The following FHDC1 variants were observed in gnomAD, a reference collection of about 807,000 sequenced individuals.
FHDC1 encodes the protein FH2 domain-containing protein 1.
In FHDC1, 25 loss-of-function variants were observed where a neutral mutation model predicts 52.6. The observed-to-expected ratio is 0.48, with a 90% confidence interval of 0.35 to 0.66. FHDC1 has a LOEUF of 0.66. FHDC1 is among the 30% of genes least tolerant of loss of function. The pLI, the probability that FHDC1 is intolerant of heterozygous loss-of-function variation, is 0.01. For missense variants in FHDC1, 1,459 were observed against 1,452.8 expected, an observed-to-expected ratio of 1.00 and a Z score of -0.07; for synonymous variants, 616 against 581.5, an observed-to-expected ratio of 1.06 and a Z score of -0.85.
the FHDC1 span, among the ~76,000 whole-genome samples, chr4:152,929,297 T>C: frequency 6.6e-6 from 1 of 152,154 alleles, no homozygotes. This position sits in a 1 kb window ranked among gnomAD's most constrained non-coding sequence, Gnocchi z 4.1. Flanking sequence ...TAGTCACTTA[T>C]ACCTTGGTCT....
At chr4:152,934,636 C>T (rs80241349), upstream of FHDC1, among the ~76,000 whole-genome samples, 2,415 of 152,244 alleles carry the variant, frequency 0.016, 61 homozygotes, top group African/African-American at 0.055. Flanking sequence ...CTTTGGGATA[C>T]TGGGAGATCG....
chr4:152,927,421 T>C, the FHDC1 span: 3 of 786,952 alleles, frequency 3.8e-6, no homozygotes. Flanking sequence ...GCCGGGACTC[T>C]ATAGTGGCGA....
At chr4:152,940,317 G>A (rs1561201119) in intron 1 of FHDC1, among the ~76,000 whole-genome samples, 1 of 152,220 alleles carries the variant, frequency 6.6e-6, no homozygotes, top group Non-Finnish European at 1.5e-5. Flanking sequence ...TAATCAGACA[G>A]CATACCAGGG....
upstream of FHDC1, among the ~76,000 whole-genome samples, chr4:152,935,458 GA>G (rs938504195): frequency 5.4e-5 from 8 of 149,446 alleles, no homozygotes; most frequent in East Asian, 2.0e-4. Context: ...TCACTTTGAA[GA>G]AAAAAAAAAT....
At chr4:152,926,511 G>T in the FHDC1 span, among the ~76,000 whole-genome samples, 2 of 151,038 alleles carry the variant, frequency 1.3e-5, no homozygotes, top group South Asian at 2.1e-4. Flanking sequence ...AAAAAAAAGG[G>T]CAGAACCTTA....
chr4:152,969,139 A>G lies in FHDC1; in HGVS notation c.1218+1042A>G, dbSNP rs188244033. Among the ~76,000 whole-genome samples, 144 of 151,440 alleles carry G rather than the reference A, an allele frequency of 9.5e-4. 1 individual carries two copies. Among genetic ancestry groups the G allele is most frequent in the African/African-American group, 3.3e-3 (137 of 41,224 alleles). Reference sequence around the variant, plus strand: ...TGCTTTTAGTCTTCAGCGAAAGGCTATGCTACCTGAAGTGTTGTTAGTGTT... The same window carrying G: ...TGCTTTTAGTCTTCAGCGAAAGGCTGTGCTACCTGAAGTGTTGTTAGTGTT... On this transcript the variant is annotated intron_variant, in intron 10 of 11. Coordinates refer to ENST00000511601, the MANE Select transcript of FHDC1 (RefSeq NM_001371116.1).
intron 8 of FHDC1, among the ~76,000 whole-genome samples, chr4:152,963,798 T>TTTTTTTTC (rs1740368799): frequency 8.7e-6 from 1 of 114,948 alleles, no homozygotes; most frequent in African/African-American, 3.4e-5. Flanking sequence ...TTTTTTTTTT[T>TTTTTTTTC]TTTTTGACTG....
chr4:152,928,979 A>G, the FHDC1 span, among the ~76,000 whole-genome samples: 36 of 152,004 alleles, frequency 2.4e-4, no homozygotes, highest in Non-Finnish European at 3.7e-4. Flanking sequence ...ATTTTAGAGA[A>G]AAAAAAAGAA....
At chr4:152,963,831 T>C (rs1484932207) in intron 8 of FHDC1, among the ~76,000 whole-genome samples, 1 of 117,162 alleles carries the variant, frequency 8.5e-6, no homozygotes, top group Non-Finnish European at 1.6e-5. Context: ...ACCAAAAAAG[T>C]GAGGAACAAA....
intron 9 of FHDC1, among the ~76,000 whole-genome samples, chr4:152,966,073 CT>C (rs1335453226): frequency 2.6e-5 from 4 of 152,142 alleles, no homozygotes; most frequent in African/African-American, 9.7e-5. Context: ...AAGATAGGAA[CT>C]TTTGACTTAC....
chr4:152,934,579 G>T (rs952607765), upstream of FHDC1, among the ~76,000 whole-genome samples: 1 of 152,178 alleles, frequency 6.6e-6, no homozygotes, highest in East Asian at 1.9e-4. Context: ...ACAAGCTTCA[G>T]GTCCCACGAC....
chr4:152,975,903 C>G lies in FHDC1; in HGVS notation c.2612C>G (p.Ser871Cys), dbSNP rs760983587. The stretch of plus-strand genomic sequence containing the variant: ...AAGAGAGGCTCCCTGAAAGAGGCGT[C>G]TCCCGGGGCCTCCAAGCCCGGGAGC... ...APKRGSLKEA[S>C]PGASKPGSAR... The change falls in exon 12 of 12, where the codon TCT (serine) becomes TGT (cysteine). Residue 871 changes from serine (S) to cysteine (C), a missense_variant. This residue lies in a region of FHDC1 where 939 missense variants were observed against 854.5 expected (regional missense o/e 1.10). Coordinates refer to ENST00000511601, the MANE Select transcript of FHDC1 (RefSeq NM_001371116.1). 21 of 1,513,760 alleles carry G rather than the reference C, an allele frequency of 1.4e-5. No homozygotes were observed. The highest frequency in any genetic ancestry group is 1.8e-5 in the Non-Finnish European group (20 of 1,133,374). 93.8% of individuals were successfully genotyped at this position (1,513,760 alleles called of 1,614,324 possible).
At chr4:152,927,006 G>A in the FHDC1 span, among the ~76,000 whole-genome samples, 5 of 152,342 alleles carry the variant, frequency 3.3e-5, no homozygotes, top group African/African-American at 4.8e-5. Flanking sequence ...GTCTCAGGCT[G>A]AAGACTGCTC....
In FHDC1 at chr4:152,954,287, GA is replaced by G; in HGVS notation, c.633del (p.Glu211AspfsTer12). The stretch of plus-strand genomic sequence containing the variant: ...GCATTATGGATCAGAGACCTTGCGA[GA>G]ATTTCTTAAGTTTTTGCCAGAGTCA... ...SEHYGSETLR[E>X]FLKFLPESEE... On this transcript the variant is annotated frameshift_variant, in exon 4 of 12. Transcript: ENST00000511601. LOFTEE classifies it high-confidence loss of function. 1 of 1,614,160 alleles carries G rather than the reference GA, an allele frequency of 6.2e-7. No homozygotes were observed. The highest frequency in any genetic ancestry group is 8.5e-7 in the Non-Finnish European group (1 of 1,180,006).
At chr4:152,972,599 C>A in intron 11 of FHDC1, 58 bp downstream of exon 11, 1 of 1,543,200 alleles carries the variant, frequency 6.5e-7, no homozygotes, top group Non-Finnish European at 8.7e-7. Context: ...TCCTTCTTCT[C>A]GACCTAGTCA....
chr4:152,976,777 T>A lies in FHDC1; in HGVS notation c.*54T>A, dbSNP rs967696075. On this transcript the variant is annotated 3_prime_UTR_variant, in exon 12 of 12. Coordinates refer to ENST00000511601, the MANE Select transcript of FHDC1 (RefSeq NM_001371116.1). ...GATTCAGACGGTGAAGACTGACTTC[T>A]GGGACGAGGATGGGGAAAGAGGCAG... 6.9e-7 allele frequency: 1 copy of A among 1,445,052 alleles called. No homozygotes were observed. The highest frequency in any genetic ancestry group is 9.1e-7 in the Non-Finnish European group (1 of 1,095,356). 89.5% of individuals were successfully genotyped at this position (1,445,052 alleles called of 1,614,324 possible). A position where few individuals can be genotyped will look rare whatever the true frequency, so the allele number is the denominator to read the frequency against.
the FHDC1 span, among the ~76,000 whole-genome samples, chr4:152,917,994 G>A: frequency 6.6e-6 from 1 of 152,156 alleles, no homozygotes; most frequent in Non-Finnish European, 1.5e-5. Context: ...GTGTCTATAA[G>A]AGACCTTGCC....
chr4:152,955,313 GA>G (rs796781121), intron 4 of FHDC1, among the ~76,000 whole-genome samples: 14 of 151,492 alleles, frequency 9.2e-5, no homozygotes, highest in South Asian at 6.2e-4. Flanking sequence ...GAGCTTGATA[GA>G]AAAAAAACCC....
intron 1 of FHDC1, among the ~76,000 whole-genome samples, chr4:152,940,450 G>A (rs941406810): frequency 1.3e-5 from 2 of 152,204 alleles, no homozygotes; most frequent in African/African-American, 4.8e-5. Context: ...TTTGACAGTC[G>A]TTTATCTGGT....
Sources: allele counts gnomAD v4.1 joint callset (sites outside exome capture counted in the v4.1 genomes callset), GRCh38; gene constraint gnomAD v4.1.1; regional missense constraint gnomAD v4.1.1; non-coding constraint Gnocchi (gnomAD v3.1); transcripts MANE v1.5; gene names NCBI Gene and HGNC (gene_info 2026-07-23, HGNC 2026-07-21).